PHC3: variants seen among roughly 807,000 people sequenced by gnomAD.
The protein encoded by PHC3 is polyhomeotic homolog 3, also known as polyhomeotic-like protein 3.
In PHC3, 13 loss-of-function variants were observed where a neutral mutation model predicts 107.4. That is an observed-to-expected ratio of 0.12 (90% CI 0.08 to 0.19). The LOEUF is 0.19. Among genes scored for constraint, PHC3 ranks in the 10% least tolerant of loss-of-function variants. PHC3 has a pLI of 1.00. For synonymous variants in PHC3, 456 were observed against 427.4 expected (o/e 1.07, Z -0.83); for missense variants, 992 against 1,210.9 (o/e 0.82, Z 2.68).
At chr3:170,138,689 C>CAAAAAAAAAAAA (rs11284597) in intron 6 of PHC3, among the ~76,000 whole-genome samples, 1 of 81,310 alleles carries the variant, frequency 1.2e-5, no homozygotes, top group African/African-American at 4.6e-5. Flanking sequence ...GACTCTGTCT[C>CAAAAAAAAAAAA]AAAAAAAAAA....
intron 6 of PHC3, among the ~76,000 whole-genome samples, chr3:170,145,042 C>A (rs2108561838): frequency 6.6e-6 from 1 of 152,262 alleles, no homozygotes; most frequent in Admixed American, 6.5e-5. Context: ...TAGTTTAATT[C>A]ACTTTCAAAC....
rs947110494 is a variant in PHC3 at position 170,093,928 on chromosome 3, A to G, written c.*3302T>C. On this transcript the variant is annotated 3_prime_UTR_variant, in exon 15 of 15. Transcript: ENST00000495893. ...TAAGTAAAACATGAATTTCACTTCAAAAGTGCAGAAATGTGCTCAGTGTTG... is the reference window on the plus strand; with the variant it reads ...TAAGTAAAACATGAATTTCACTTCAGAAGTGCAGAAATGTGCTCAGTGTTG... 6.6e-6 allele frequency: 1 copy of G among 152,232 alleles called. No individual in the cohort carries two copies. Among genetic ancestry groups the G allele is most frequent in the Non-Finnish European group, 1.5e-5 (1 of 68,042 alleles). The allele number at this position is 152,232 out of a possible 1,614,324, so 9.4% of individuals were successfully genotyped here.
In PHC3 at chr3:170,113,408, G is replaced by A. The variant is rs369192546; in HGVS notation, c.2305C>T (p.His769Tyr). 40 of 1,611,968 alleles carry A rather than the reference G, an allele frequency of 2.5e-5. No individual in the cohort carries two copies. The highest frequency in any genetic ancestry group is 3.4e-5 in the Non-Finnish European group (40 of 1,179,070). ...VQPELQNNTKHADNSSDTEME... is the reference protein window; with the variant it reads ...VQPELQNNTKYADNSSDTEME... Reference sequence around the variant, plus strand: ...TCTGTGTCAGATGAATTATCCGCATGTTTTGTATTATTCTGTAGCTCTGGC... The same window carrying A: ...TCTGTGTCAGATGAATTATCCGCATATTTTGTATTATTCTGTAGCTCTGGC... Residue 769 changes from histidine to tyrosine, a missense_variant, in exon 11 of 15, where the codon CAT becomes TAT. His to Tyr is a moderately conservative substitution (Grantham distance 83). Around this residue, in one of 6 missense-constraint regions of PHC3, gnomAD observed 228 missense variants for 288.8 expected, o/e 0.79. Transcript: ENST00000495893.
At chr3:170,158,772 C>A (rs990886991) in intron 4 of PHC3, among the ~76,000 whole-genome samples, 2 of 150,886 alleles carry the variant, frequency 1.3e-5, no homozygotes, top group African/African-American at 4.9e-5. Flanking sequence ...ACAGAAAATA[C>A]AAAAATTAGT....
chr3:170,138,711 G>GA (rs1192681281), intron 6 of PHC3, among the ~76,000 whole-genome samples: 4 of 126,872 alleles, frequency 3.2e-5, no homozygotes, highest in Admixed American at 2.4e-4. Flanking sequence ...AAAAAAAAAA[G>GA]ATAAGAAAAA....
At chr3:170,127,951 T>C (rs960771923) in intron 8 of PHC3, among the ~76,000 whole-genome samples, 1 of 151,876 alleles carries the variant, frequency 6.6e-6, no homozygotes, top group Non-Finnish European at 1.5e-5. Flanking sequence ...TTCGAAACTT[T>C]TACTCCTCTA....
chr3:170,128,346 A>G, intron 8 of PHC3: 1 of 1,289,238 alleles, frequency 7.8e-7, no homozygotes, highest in Non-Finnish European at 1.0e-6. Context: ...TCACCTTAAG[A>G]GAAAAAACTT....
intron 4 of PHC3, among the ~76,000 whole-genome samples, chr3:170,159,212 A>G (rs1276335051): frequency 1.3e-5 from 2 of 149,104 alleles, no homozygotes; most frequent in Admixed American, 6.8e-5. Context: ...AGATCACGCC[A>G]CTGCACTCCA....
chr3:170,094,630 A>C lies in PHC3; in HGVS notation c.*2600T>G, dbSNP rs1267418224. The C allele has an allele frequency of 2.6e-5, 4 of 152,214 alleles. No homozygotes were observed. Among genetic ancestry groups the C allele is most frequent in the Non-Finnish European group, 5.9e-5 (4 of 68,026 alleles). The allele number at this position is 152,214 out of a possible 1,614,324, so 9.4% of individuals were successfully genotyped here. A position where few individuals can be genotyped will look rare whatever the true frequency, so the allele number is the denominator to read the frequency against. The stretch of plus-strand genomic sequence containing the variant: ...CCATTATATATAGCTGAAGCTTTGA[A>C]ATTAAGATGATTAACTCATCTTGAA... On this transcript the variant is annotated 3_prime_UTR_variant, in exon 15 of 15. Coordinates refer to ENST00000495893, the MANE Select transcript of PHC3 (RefSeq NM_024947.4).
intron 4 of PHC3, among the ~76,000 whole-genome samples, chr3:170,163,936 A>G (rs1055027352): frequency 1.3e-5 from 2 of 151,570 alleles, no homozygotes; most frequent in Admixed American, 6.6e-5. Context: ...ACAGTGGCTC[A>G]CGCCTATAAT....
intron 1 of PHC3, 148 bp from the exon 2 acceptor site, chr3:170,179,086 C>T (rs1266096123): frequency 1.1e-5 from 8 of 709,502 alleles, no homozygotes; most frequent in African/African-American, 1.8e-5. Context: ...ACTATAAGCA[C>T]TTAGAAGGGA....
At chr3:170,098,548 C>A (rs1403836858) in intron 14 of PHC3, among the ~76,000 whole-genome samples, 1 of 152,004 alleles carries the variant, frequency 6.6e-6, no homozygotes, top group Admixed American at 6.6e-5. Context: ...GCACAAAGCA[C>A]AAAGCATTAT....
intron 4 of PHC3, among the ~76,000 whole-genome samples, chr3:170,152,551 T>C (rs1726177948): frequency 6.6e-6 from 1 of 151,938 alleles, no homozygotes; most frequent in African/African-American, 2.4e-5. Flanking sequence ...GTCACCAACA[T>C]CTAACTGACA....
chr3:170,175,394 T>G lies in PHC3; in HGVS notation c.181-2682A>C, dbSNP rs181528581. 2.6e-3 allele frequency among the ~76,000 whole-genome samples: 391 copies of G among 152,158 alleles called. 2 individuals are homozygous for G. The highest frequency in any genetic ancestry group is 8.7e-3 in the African/African-American group (363 of 41,514). On this transcript the variant is annotated intron_variant, in intron 2 of 14. Transcript: ENST00000495893. ...AGGCGTGGTGGCTCATCCCAGCACTTTGGGAGGCTAAGGCAGGAGGAGAGC... is the reference window on the plus strand; with the variant it reads ...AGGCGTGGTGGCTCATCCCAGCACTGTGGGAGGCTAAGGCAGGAGGAGAGC...
chr3:170,122,791 T>C, intron 8 of PHC3, 47 bp from the exon 9 acceptor site: 1 of 1,582,058 alleles, frequency 6.3e-7, no homozygotes, highest in Middle Eastern at 1.7e-4. Flanking sequence ...AAAACTATAT[T>C]TTATCAGGTG....
At chr3:170,114,165 G>A (rs141296662) in intron 10 of PHC3, among the ~76,000 whole-genome samples, 1,908 of 152,028 alleles carry the variant, frequency 0.013, 41 homozygotes, top group African/African-American at 0.043. Flanking sequence ...ATGTGCCACC[G>A]CGCCTGGCTA....
At position 170,088,246 on chromosome 3, in the gene PHC3, C is replaced by T. The variant is rs1441454831; in HGVS notation, c.*8984G>A. On this transcript the variant is annotated 3_prime_UTR_variant, in exon 15 of 15. Coordinates refer to ENST00000495893, the MANE Select transcript of PHC3 (RefSeq NM_024947.4). ...TTTGAGGTTTTAATAATATGAAAGT[C>T]CTATTTTAGAACAATGGGAGGAACC... 6.6e-6 allele frequency: 1 copy of T among 151,986 alleles called. No individual in the cohort carries two copies. Among genetic ancestry groups the T allele is most frequent in the Non-Finnish European group, 1.5e-5 (1 of 67,982 alleles). The allele number at this position is 151,986 out of a possible 1,614,324, so 9.4% of individuals were successfully genotyped here.
intron 7 of PHC3, among the ~76,000 whole-genome samples, chr3:170,135,752 CA>C (rs1722971768): frequency 6.6e-6 from 1 of 151,476 alleles, no homozygotes; most frequent in Non-Finnish European, 1.5e-5. Flanking sequence ...TTTATCTTAT[CA>C]AAAGTAAACA....
At chr3:170,098,828 C>T (rs1715008852) in intron 14 of PHC3, among the ~76,000 whole-genome samples, 1 of 152,096 alleles carries the variant, frequency 6.6e-6, no homozygotes, top group Non-Finnish European at 1.5e-5. Context: ...TCAATACCCT[C>T]TACGAAATTA....
Sources: allele counts gnomAD v4.1 joint callset (sites outside exome capture counted in the v4.1 genomes callset), GRCh38; gene constraint gnomAD v4.1.1; regional missense constraint gnomAD v4.1.1; transcripts MANE v1.5; gene names NCBI Gene and HGNC (gene_info 2026-07-23, HGNC 2026-07-21).